Variants in PCDH15 observed in about 807,000 individuals in gnomAD.
PCDH15 encodes protocadherin related 15, also known as protocadherin-15.
Under a neutral mutation model 178.5 loss-of-function variants are expected in PCDH15, and 129 were observed. The ratio of observed to expected loss-of-function variants is 0.72; its 90% CI spans 0.63 to 0.84. The LOEUF is 0.84. Ranked by LOEUF, PCDH15 falls within the 40% of genes least tolerant of loss-of-function variation. PCDH15 has a pLI of 0.00. For missense variants in PCDH15, 2,230 were observed against 2,099.9 expected (o/e 1.06, Z -1.21); for synonymous variants, 800 against 732.0 (o/e 1.09, Z -1.50).
intron 2 of PCDH15, among the ~76,000 whole-genome samples, chr10:55,417,523 TA>T (rs1838513067): frequency 6.6e-6 from 1 of 151,582 alleles, no homozygotes; most frequent in Non-Finnish European, 1.5e-5. Context: ...CAAAACAAAA[TA>T]ATGCATAATA....
At chr10:54,697,108 G>A (rs1434094274) in intron 1 of PCDH15, among the ~76,000 whole-genome samples, 3 of 152,024 alleles carry the variant, frequency 2.0e-5, no homozygotes, top group Admixed American at 2.0e-4. Context: ...TTGTTATTAT[G>A]TCTTTGCAGA....
intron 3 of PCDH15, among the ~76,000 whole-genome samples, chr10:54,421,671 C>A (rs9416332): frequency 9.1e-6 from 1 of 109,954 alleles, no homozygotes. Context: ...TGTATATATA[C>A]ATATATATAT....
intron 5 of PCDH15, among the ~76,000 whole-genome samples, chr10:54,367,340 T>C (rs944483958): frequency 2.0e-5 from 3 of 151,324 alleles, no homozygotes; most frequent in Admixed American, 2.0e-4. Flanking sequence ...AAAAGTAGAG[T>C]TGCATGATTA....
chr10:54,932,243 GA>G (rs2131854260), intron 2 of PCDH15, among the ~76,000 whole-genome samples: 1 of 152,316 alleles, frequency 6.6e-6, no homozygotes, highest in South Asian at 2.1e-4. Flanking sequence ...CACTGCCCAT[GA>G]AAACTTTCTA....
intron 2 of PCDH15, among the ~76,000 whole-genome samples, chr10:55,125,081 C>T (rs537614110): frequency 6.6e-6 from 1 of 151,406 alleles, no homozygotes; most frequent in East Asian, 1.9e-4. Flanking sequence ...CTAGAACCAG[C>T]CATTAAATAT....
chr10:54,515,331 C>T (rs1368947831), intron 3 of PCDH15, among the ~76,000 whole-genome samples: 7 of 152,208 alleles, frequency 4.6e-5, no homozygotes, highest in Admixed American at 1.3e-4. Flanking sequence ...GATTATATCC[C>T]GCACATGGCT....
At chr10:55,005,159 C>T (rs1839895930) in intron 2 of PCDH15, among the ~76,000 whole-genome samples, 1 of 145,138 alleles carries the variant, frequency 6.9e-6, no homozygotes. Context: ...ACTTTTTGAG[C>T]CCAGAAGTTT....
Position 55,234,065 on chromosome 10 carries a change from A to G in PCDH15, c.-155-67414T>C, listed in dbSNP as rs1841304678. On this transcript the variant is annotated intron_variant, in intron 1 of 5. Transcript: ENST00000458638. ...GCAGGTGAGGATGGCTTCATCAGTA[A>G]GTATTTAGATGTAGTCTTTACATAT... Among the ~76,000 whole-genome samples, 2 of 152,086 alleles carry G rather than the reference A, an allele frequency of 1.3e-5. 1 individual carries two copies. Among genetic ancestry groups the G allele is most frequent in the Non-Finnish European group, 2.9e-5 (2 of 68,022 alleles).
At chr10:54,420,048 C>T (rs1955023154) in intron 3 of PCDH15, among the ~76,000 whole-genome samples, 1 of 152,026 alleles carries the variant, frequency 6.6e-6, no homozygotes, top group Non-Finnish European at 1.5e-5. Context: ...ACAGAAAAAT[C>T]AACTCAGTTA....
chr10:54,736,065 T>C (rs1037584596), intron 1 of PCDH15, among the ~76,000 whole-genome samples: 2 of 152,040 alleles, frequency 1.3e-5, no homozygotes, highest in Admixed American at 6.6e-5. Context: ...CTCGACTTTC[T>C]TTCCTTAGGT....
chr10:54,756,385 T>C (rs932410426), intron 1 of PCDH15, among the ~76,000 whole-genome samples: 1 of 152,204 alleles, frequency 6.6e-6, no homozygotes, highest in Non-Finnish European at 1.5e-5. Flanking sequence ...ATCAGTCATT[T>C]TTTTCAATAT....
intron 3 of PCDH15, among the ~76,000 whole-genome samples, chr10:54,483,504 T>C (rs1344351070): frequency 1.3e-5 from 2 of 152,026 alleles, no homozygotes; most frequent in South Asian, 2.1e-4. Context: ...CTTCTCATTC[T>C]CTTGTAATTT....
chr10:54,342,426 T>C (rs12358760), intron 6 of PCDH15, among the ~76,000 whole-genome samples: 39,338 of 152,146 alleles, frequency 0.26, 6,362 homozygotes, highest in Middle Eastern at 0.39. Context: ...TGCAGGTACA[T>C]AGAAGACAAG....
rs1025773854 is a variant in PCDH15 at position 55,314,197 on chromosome 10, G to GTATATA, written c.-156+5401_-156+5402insTATATA. ...TTATATATACATTATATATGTTTGT[G>GTATATA]TGTATATATATATATATATATATGT... On this transcript the variant is annotated intron_variant, in intron 1 of 5. Coordinates refer to the PCDH15 transcript ENST00000458638. Among the ~76,000 whole-genome samples, 473 of 119,734 alleles carry GTATATA rather than the reference G, an allele frequency of 4.0e-3. 4 individuals carry two copies. Among genetic ancestry groups the GTATATA allele is most frequent in the African/African-American group, 0.018 (438 of 24,870 alleles). The allele number at this position is 119,734 out of a possible 152,430, so 78.6% of individuals were successfully genotyped here. A position where few individuals can be genotyped will look rare whatever the true frequency, so the allele number is the denominator to read the frequency against.
intron 1 of PCDH15, among the ~76,000 whole-genome samples, chr10:54,693,260 C>T (rs1360029015): frequency 6.6e-6 from 1 of 151,880 alleles, no homozygotes; most frequent in African/African-American, 2.4e-5. Flanking sequence ...CGCTCTCTTT[C>T]TTTCTTTCCT....
At chr10:54,023,621 GTAA>G (rs1209186303) in intron 18 of PCDH15, among the ~76,000 whole-genome samples, 2 of 148,478 alleles carry the variant, frequency 1.3e-5, no homozygotes, top group Non-Finnish European at 1.5e-5. Context: ...TATATGTTTA[GTAA>G]TAATGTTACA....
At chr10:54,844,999 T>G (rs1228186915) in intron 3 of PCDH15, among the ~76,000 whole-genome samples, 1 of 151,964 alleles carries the variant, frequency 6.6e-6, no homozygotes. Context: ...CTTTCCTGAG[T>G]TCTTTTTAAT....
rs201855435 is a variant in PCDH15, at chr10:53,809,510, T to C, written c.4671+1046A>G. The C allele has an allele frequency of 2.1e-4, 334 of 1,609,970 alleles. 3 individuals carry two copies. The Admixed American group carries it at 5.5e-3, about 26-fold the overall frequency. On this transcript the variant is annotated intron_variant, in intron 37 of 37. Coordinates refer to ENST00000644397, the MANE Select transcript of PCDH15 (RefSeq NM_001384140.1). ...TCTTCCTCCTCACTAGGCTCTCTAA[T>C]TTCAACCTTTGGTTTTTTAATTTTC...
chr10:55,562,062 C>A (rs1253597285), intron 2 of PCDH15, among the ~76,000 whole-genome samples: 1 of 151,846 alleles, frequency 6.6e-6, no homozygotes, highest in Non-Finnish European at 1.5e-5. Context: ...GATTTTCTGT[C>A]ATATTTTCAA....
Sources: allele counts gnomAD v4.1 joint callset (sites outside exome capture counted in the v4.1 genomes callset), GRCh38; gene constraint gnomAD v4.1.1; transcripts MANE v1.5; gene names NCBI Gene and HGNC (gene_info 2026-07-23, HGNC 2026-07-21).